The following DOCK9 variants were observed in gnomAD, a reference collection of about 807,000 sequenced individuals.
The protein encoded by DOCK9 is dedicator of cytokinesis protein 9.
DOCK9 carries 89 observed loss-of-function variants against 263.3 expected under a neutral mutation model. The ratio of observed to expected loss-of-function variants is 0.34; its 90% CI spans 0.28 to 0.40. DOCK9 has a LOEUF of 0.40. Among genes scored for constraint, DOCK9 ranks in the 10% least tolerant of loss-of-function variants. The pLI is 1.00. For synonymous variants in DOCK9, 976 were observed against 973.1 expected (o/e 1.00, Z -0.06); for missense variants, 2,140 against 2,603.4 (o/e 0.82, Z 3.87).
intron 45 of DOCK9, among the ~76,000 whole-genome samples, chr13:98,814,606 A>C (rs946815247): frequency 3.3e-5 from 5 of 152,022 alleles, no homozygotes; most frequent in African/African-American, 9.7e-5. Context: ...AGGTTTCATC[A>C]TGTTGGCCAG....
rs112601639 is a variant in DOCK9 at position 98,911,657 on chromosome 13, G to A, written c.960+2671C>T. Reference sequence around the variant, plus strand: ...TGCCTGTAATCTCAGCACTTTGGGAGGCTGAGGTGGGTGGATCTTTTGAGG... The same window carrying A: ...TGCCTGTAATCTCAGCACTTTGGGAAGCTGAGGTGGGTGGATCTTTTGAGG... On this transcript the variant is annotated intron_variant, in intron 9 of 52. Transcript: ENST00000682017. Among the ~76,000 whole-genome samples, 1,159 of 151,880 alleles carry A rather than the reference G, an allele frequency of 7.6e-3. 15 individuals are homozygous for A. Among genetic ancestry groups the A allele is most frequent in the African/African-American group, 0.027 (1,122 of 41,410 alleles).
At position 98,863,117 on chromosome 13, in the gene DOCK9, T is replaced by C. The variant is rs1287133825; in HGVS notation, c.3481A>G (p.Ile1161Val). 9 of 1,607,662 alleles carry C rather than the reference T, an allele frequency of 5.6e-6. No homozygotes were observed. Among genetic ancestry groups the C allele is most frequent in the Non-Finnish European group, 2.5e-6 (3 of 1,177,122 alleles). ...RYASRSHQAR[I>V]ATLYLPLFGL... ...AACAGAGGCAGGTAGAGGGTGGCTA[T>C]CCTTGCCTGATGGCTCTGAAAAGAA... Residue 1161 changes from isoleucine to valine, a missense_variant, in exon 32 of 53, where the codon ATA becomes GTA. By Grantham distance (29) the Ile-to-Val change is conservative (BLOSUM62 3). Coordinates refer to ENST00000682017, the MANE Select transcript of DOCK9 (RefSeq NM_001366683.2).
chr13:98,920,802 T>C (rs1430767221), intron 7 of DOCK9, among the ~76,000 whole-genome samples, 152 bp downstream of exon 7: 3 of 152,234 alleles, frequency 2.0e-5, no homozygotes, highest in Non-Finnish European at 4.4e-5. Context: ...TCTACAATGA[T>C]GAAAAACAAG....
chr13:98,897,694 G>A, intron 14 of DOCK9, 84 bp from the exon 15 acceptor site: 2 of 1,538,200 alleles, frequency 1.3e-6, no homozygotes, highest in Non-Finnish European at 1.8e-6. Context: ...TCTATGAGAA[G>A]TCTAATTATT....
chr13:98,911,373 T>C (rs775864684), intron 9 of DOCK9, among the ~76,000 whole-genome samples: 1 of 152,218 alleles, frequency 6.6e-6, no homozygotes, highest in Non-Finnish European at 1.5e-5. Flanking sequence ...ATTATCCTGA[T>C]TTGATCATCA....
At chr13:98,846,193 C>G (rs2093385785) in intron 37 of DOCK9, 133 bp from the exon 38 acceptor site, 1 of 1,109,662 alleles carries the variant, frequency 9.0e-7, no homozygotes, top group African/African-American at 1.6e-5. Context: ...GTGGAGCAGC[C>G]AGAGACACAG....
At chr13:99,077,181 AGGATGGATTAATTAC>A (rs1381198344) in intron 1 of DOCK9, among the ~76,000 whole-genome samples, 2 of 152,186 alleles carry the variant, frequency 1.3e-5, no homozygotes, top group Non-Finnish European at 2.9e-5. Context: ...TGAACCTATA[AGGATGGATTAATTAC>A]GGTAGCAAAG....
At chr13:98,824,653 C>T (rs2092449818) in intron 44 of DOCK9, 149 bp from the exon 45 acceptor site, 4 of 656,000 alleles carry the variant, frequency 6.1e-6, no homozygotes, top group South Asian at 5.6e-5. Context: ...CACGGGGGTA[C>T]CTGGGGCTAC....
intron 50 of DOCK9, 94 bp downstream of exon 50, chr13:98,800,194 C>T (rs2089946874): frequency 7.6e-7 from 1 of 1,311,992 alleles, no homozygotes; most frequent in Non-Finnish European, 1.0e-6. Flanking sequence ...TAAACCGAGG[C>T]TCTCAAGTAG....
intron 47 of DOCK9, 27 bp from the exon 48 acceptor site, chr13:98,807,834 A>G: frequency 6.3e-7 from 1 of 1,589,092 alleles, no homozygotes; most frequent in Non-Finnish European, 8.6e-7. Flanking sequence ...AATTAGAGCT[A>G]TCCCTGAACG....
intron 1 of DOCK9, among the ~76,000 whole-genome samples, chr13:98,990,855 A>C (rs1192623104): frequency 6.6e-6 from 1 of 152,232 alleles, no homozygotes; most frequent in Non-Finnish European, 1.5e-5. Flanking sequence ...TCACTAAAGT[A>C]GTCAAAAGAA....
intron 45 of DOCK9, among the ~76,000 whole-genome samples, chr13:98,823,779 GGCT>G (rs1260601095): frequency 6.6e-6 from 1 of 152,226 alleles, no homozygotes; most frequent in Non-Finnish European, 1.5e-5. Flanking sequence ...GTGGCTGCAA[GGCT>G]AACCTGTTTT....
intron 1 of DOCK9, among the ~76,000 whole-genome samples, chr13:98,999,371 C>T (rs1341720831): frequency 1.3e-5 from 2 of 151,536 alleles, no homozygotes; most frequent in Non-Finnish European, 2.9e-5. Flanking sequence ...CAAAACAACC[C>T]TTCTTTTAAC....
chr13:98,843,586 G>A (rs1292817541), intron 38 of DOCK9, among the ~76,000 whole-genome samples: 1 of 152,238 alleles, frequency 6.6e-6, no homozygotes, highest in Non-Finnish European at 1.5e-5. Flanking sequence ...AGGAATTGTA[G>A]GAATGCAGGC....
At chr13:98,846,825 C>G (rs1038588698) in intron 37 of DOCK9, 1 of 351,078 alleles carries the variant, frequency 2.8e-6, no homozygotes, top group Non-Finnish European at 5.6e-6. Flanking sequence ...ACTCGACCAC[C>G]GTGGATGGCA....
chr13:99,010,012 A>AG lies in DOCK9; in HGVS notation c.130-54462_130-54461insC, dbSNP rs1555291149. ...TAAGGCCATAAGGTAAAAAAAAAAA[A>AG]AGAGAGAGAAATATTAATTTACAAT... is the stretch of plus-strand genomic sequence containing the variant. On this transcript the variant is annotated intron_variant, in intron 1 of 32. Coordinates refer to the DOCK9 transcript ENST00000427887. Among the ~76,000 whole-genome samples, 98 of 149,096 alleles carry AG rather than the reference A, an allele frequency of 6.6e-4. No homozygotes were observed. The East Asian group carries it at 0.016, about 24-fold the overall frequency.
rs1318668358 is a variant in DOCK9, at chr13:98,922,115, C to T, written c.518G>A (p.Gly173Glu). ...DAASLGSQKGGITKHGWLYKG... is the reference protein window; with the variant it reads ...DAASLGSQKGEITKHGWLYKG... Reference sequence around the variant, plus strand: ...GTACAGCCAGCCATGCTTGGTGATCCCACCCTTCTGGGAACCAAGGGAGGC... The same window carrying T: ...GTACAGCCAGCCATGCTTGGTGATCTCACCCTTCTGGGAACCAAGGGAGGC... The change falls in exon 6 of 53, where the codon GGG becomes GAG. Residue 173 changes from glycine to glutamate, a missense_variant. Gly to Glu is a moderately conservative substitution (Grantham distance 98, BLOSUM62 -2). This residue lies in a region of DOCK9 where 1,521 missense variants were observed against 1,741.7 expected (regional missense o/e 0.87). Transcript: ENST00000682017. 4.4e-6 allele frequency: 7 copies of T among 1,600,184 alleles called. No homozygotes were observed. Among genetic ancestry groups the T allele is most frequent in the Non-Finnish European group, 6.0e-6 (7 of 1,173,694 alleles).
chr13:99,020,997 C>T (rs1886022966), intron 1 of DOCK9, among the ~76,000 whole-genome samples: 1 of 152,222 alleles, frequency 6.6e-6, no homozygotes, highest in Non-Finnish European at 1.5e-5. Flanking sequence ...GAAAAGTTTA[C>T]TTCCATATCT....
chr13:99,058,677 G>A (rs553798331), intron 1 of DOCK9, among the ~76,000 whole-genome samples: 1 of 152,244 alleles, frequency 6.6e-6, no homozygotes, highest in Admixed American at 6.5e-5. Context: ...GGAAGCACCT[G>A]GTATGCTCAA....
Sources: gnomAD v4.1 joint callset for allele counts (sites outside exome capture counted in the v4.1 genomes callset) on GRCh38, gnomAD v4.1.1 for gene constraint, gnomAD v4.1.1 regional missense constraint, MANE v1.5 for transcripts, NCBI Gene and HGNC (gene_info 2026-07-23, HGNC 2026-07-21) for gene names.